CCSER1: variants seen among roughly 807,000 people sequenced by gnomAD.
CCSER1 encodes serine-rich coiled-coil domain-containing protein 1.
CCSER1 carries 41 observed loss-of-function variants against 82.0 expected under a neutral mutation model. That is an observed-to-expected ratio of 0.50 (90% CI 0.39 to 0.65). The LOEUF is 0.65. Ranked by LOEUF, CCSER1 falls within the 30% of genes least tolerant of loss-of-function variation. The probability of loss-of-function intolerance (pLI) is 0.00; values close to 1 mark genes in which losing one functional copy is unlikely to be tolerated. For synonymous variants in CCSER1, 414 were observed against 383.9 expected (o/e 1.08, Z -0.92); for missense variants, 1,119 against 1,064.2 (o/e 1.05, Z -0.72).
Position 90,856,611 on chromosome 4 carries a change from A to G in CCSER1, c.2094+40766A>G, listed in dbSNP as rs141234265. Reference sequence around the variant, plus strand: ...TTCCCCGACGTAAAAGAAGTATGGCATAATAACAGAATTCTAGACTAAAAA... The same window carrying G: ...TTCCCCGACGTAAAAGAAGTATGGCGTAATAACAGAATTCTAGACTAAAAA... On this transcript the variant is annotated intron_variant, in intron 8 of 10. Coordinates refer to ENST00000509176, the MANE Select transcript of CCSER1 (RefSeq NM_001145065.2). Among the ~76,000 whole-genome samples the G allele has an allele frequency of 5.1e-3, 778 of 152,254 alleles. 9 individuals carry two copies. Among genetic ancestry groups the G allele is most frequent in the African/African-American group, 0.018 (751 of 41,562 alleles).
At chr4:91,161,384 G>A (rs1560479577) in intron 10 of CCSER1, among the ~76,000 whole-genome samples, 1 of 152,032 alleles carries the variant, frequency 6.6e-6, no homozygotes, top group South Asian at 2.1e-4. Context: ...TTGGCAATGT[G>A]GGCTCTTTTT....
intron 10 of CCSER1, among the ~76,000 whole-genome samples, chr4:91,448,512 C>T (rs2149416310): frequency 6.6e-6 from 1 of 152,132 alleles, no homozygotes; most frequent in Non-Finnish European, 1.5e-5. Flanking sequence ...CTAACTCATT[C>T]AGTGTGTGGT....
intron 9 of CCSER1, among the ~76,000 whole-genome samples, chr4:91,070,874 G>A (rs1362625764): frequency 6.6e-6 from 1 of 152,096 alleles, no homozygotes; most frequent in Non-Finnish European, 1.5e-5. Context: ...TTATTGTTTA[G>A]CATTTAATAG....
At chr4:90,498,104 C>T (rs2153610021) in intron 5 of CCSER1, among the ~76,000 whole-genome samples, 1 of 152,190 alleles carries the variant, frequency 6.6e-6, no homozygotes, top group African/African-American at 2.4e-5. Flanking sequence ...CAGTGGATGC[C>T]TGAAACCATT....
chr4:91,288,959 G>A (rs1743536394), intron 10 of CCSER1, among the ~76,000 whole-genome samples: 1 of 151,954 alleles, frequency 6.6e-6, no homozygotes, highest in African/African-American at 2.4e-5. Flanking sequence ...GACTAATAAC[G>A]ATTGAGTCAT....
intron 8 of CCSER1, among the ~76,000 whole-genome samples, chr4:90,836,855 G>A (rs570599134): frequency 1.3e-5 from 2 of 152,306 alleles, no homozygotes; most frequent in East Asian, 1.9e-4. Context: ...CTAGACCATC[G>A]CAACAAAACT....
chr4:91,084,570 G>A lies in CCSER1; in HGVS notation c.2173-1380G>A, dbSNP rs188768713. On this transcript the variant is annotated intron_variant, in intron 9 of 10. Transcript: ENST00000509176. ...ATCTCCCAGATGCAAAAATCTATAA[G>A]CATGAATACTACTTCAGAATTTACT... 1.7e-3 allele frequency among the ~76,000 whole-genome samples: 252 copies of A among 152,184 alleles called. 2 individuals are homozygous for A. Among genetic ancestry groups the A allele is most frequent in the Non-Finnish European group, 3.0e-3 (202 of 67,988 alleles).
chr4:91,141,539 C>T (rs546705259), intron 10 of CCSER1, among the ~76,000 whole-genome samples: 4 of 152,244 alleles, frequency 2.6e-5, no homozygotes, highest in African/African-American at 9.6e-5. Flanking sequence ...TGATGAGCAC[C>T]TACGTTGATT....
chr4:90,171,880 T>C (rs1193347243), intron 1 of CCSER1, among the ~76,000 whole-genome samples: 3 of 151,882 alleles, frequency 2.0e-5, no homozygotes, highest in African/African-American at 7.2e-5. Context: ...TAAAGAAATA[T>C]AAGACATGAT....
At chr4:90,709,596 C>T (rs1264204395) in intron 6 of CCSER1, among the ~76,000 whole-genome samples, 2 of 152,022 alleles carry the variant, frequency 1.3e-5, no homozygotes, top group Non-Finnish European at 2.9e-5. Flanking sequence ...CATCCATGTC[C>T]ATGTAAAGGG....
intron 5 of CCSER1, among the ~76,000 whole-genome samples, chr4:90,515,746 CTG>C (rs377461099): frequency 3.9e-4 from 60 of 152,210 alleles, no homozygotes; most frequent in African/African-American, 1.3e-3. Flanking sequence ...GAGGAGAAAA[CTG>C]AGACATAGAG....
At position 91,601,355 on chromosome 4, in the gene CCSER1, G is replaced by A. The variant is rs186910767; in HGVS notation, c.*2298G>A. The A allele has an allele frequency of 1.3e-5, 2 of 151,840 alleles. No individual in the cohort carries two copies. Among genetic ancestry groups the A allele is most frequent in the Non-Finnish European group, 2.9e-5 (2 of 67,834 alleles). 9.4% of individuals were successfully genotyped at this position (151,840 alleles called of 1,614,324 possible). On this transcript the variant is annotated 3_prime_UTR_variant, in exon 11 of 11. Transcript: ENST00000509176. Reference sequence around the variant, plus strand: ...GATTTTAAAAGGAAGGGTATTTTTTGGAAATATCATCTTAAAGCTGTTTTG... The same window carrying A: ...GATTTTAAAAGGAAGGGTATTTTTTAGAAATATCATCTTAAAGCTGTTTTG...
At chr4:90,977,187 C>T (rs1276654619) in intron 9 of CCSER1, among the ~76,000 whole-genome samples, 1 of 151,498 alleles carries the variant, frequency 6.6e-6, no homozygotes, top group Non-Finnish European at 1.5e-5. Flanking sequence ...AAGCTTCATG[C>T]TAAGCAAGAC....
intron 3 of CCSER1, among the ~76,000 whole-genome samples, chr4:90,382,257 G>A (rs1749319253): frequency 6.6e-6 from 1 of 151,808 alleles, no homozygotes; most frequent in South Asian, 2.1e-4. Flanking sequence ...AATATTTTTT[G>A]TTCTCTGCAT....
chr4:90,983,315 A>C (rs1013342443), intron 9 of CCSER1, among the ~76,000 whole-genome samples: 1 of 151,700 alleles, frequency 6.6e-6, no homozygotes, highest in Non-Finnish European at 1.5e-5. Flanking sequence ...TATTTCTACT[A>C]CCTCAAATTC....
At chr4:91,048,061 C>T (rs1742669056) in intron 9 of CCSER1, among the ~76,000 whole-genome samples, 1 of 152,014 alleles carries the variant, frequency 6.6e-6, no homozygotes, top group South Asian at 2.1e-4. Flanking sequence ...CTCACCCCAA[C>T]TGAAAAATCA....
intron 10 of CCSER1, among the ~76,000 whole-genome samples, chr4:91,590,320 A>G (rs1764203585): frequency 6.6e-6 from 1 of 152,138 alleles, no homozygotes; most frequent in African/African-American, 2.4e-5. Context: ...CCTGTCTGCC[A>G]GAACCTTTTG....
intron 10 of CCSER1, among the ~76,000 whole-genome samples, chr4:91,573,983 C>T (rs572704743): frequency 1.3e-5 from 2 of 151,724 alleles, no homozygotes; most frequent in East Asian, 3.9e-4. Context: ...CATTGAAAAC[C>T]ATAAAACATT....
chr4:90,199,618 C>T (rs1737267935), intron 1 of CCSER1, among the ~76,000 whole-genome samples: 1 of 151,818 alleles, frequency 6.6e-6, no homozygotes, highest in Non-Finnish European at 1.5e-5. Flanking sequence ...GTAAAATTGA[C>T]TGAAGAAAAA....
Sources: allele counts gnomAD v4.1 joint callset (sites outside exome capture counted in the v4.1 genomes callset), GRCh38; gene constraint gnomAD v4.1.1; transcripts MANE v1.5; gene names NCBI Gene and HGNC (gene_info 2026-07-23, HGNC 2026-07-21).